The following PRIM2 variants were observed in gnomAD, a reference collection of about 807,000 sequenced individuals.
PRIM2 encodes DNA primase large subunit.
A neutral mutation model predicts 67.3 loss-of-function variants in PRIM2; 39 were observed. That is an observed-to-expected ratio of 0.58 (90% CI 0.45 to 0.76). The LOEUF (loss-of-function observed/expected upper bound fraction) is 0.76. Ranked by LOEUF, PRIM2 falls within the 30% of genes least tolerant of loss-of-function variation. The probability of loss-of-function intolerance (pLI) is 0.00; values close to 1 mark genes in which losing one functional copy is unlikely to be tolerated. For missense variants in PRIM2, 398 were observed against 598.7 expected, an observed-to-expected ratio of 0.66 and a Z score of 3.50; for synonymous variants, 143 against 198.7, an observed-to-expected ratio of 0.72 and a Z score of 2.36.
At chr6:57,394,707 G>C (rs946649621) in intron 7 of PRIM2, among the ~76,000 whole-genome samples, 7 of 152,136 alleles carry the variant, frequency 4.6e-5, no homozygotes, top group African/African-American at 1.7e-4. Flanking sequence ...TATTAAAGAG[G>C]AGTGGTGAGA....
intron 12 of PRIM2, among the ~76,000 whole-genome samples, chr6:57,628,122 C>T (rs1450116552): frequency 6.6e-6 from 1 of 152,192 alleles, no homozygotes; most frequent in Non-Finnish European, 1.5e-5. Flanking sequence ...GTGGGTTAGA[C>T]TTTGATACTT....
At chr6:57,344,963 G>C (rs1768621002) in intron 5 of PRIM2, among the ~76,000 whole-genome samples, 1 of 151,894 alleles carries the variant, frequency 6.6e-6, no homozygotes, top group African/African-American at 2.4e-5. Flanking sequence ...AAAATGACTT[G>C]TGAAAGTCAT....
At chr6:57,270,444 A>G in the PRIM2 span, among the ~76,000 whole-genome samples, 2 of 152,168 alleles carry the variant, frequency 1.3e-5, no homozygotes, top group Non-Finnish European at 2.9e-5. Context: ...TTATTGGTGT[A>G]TAAGAATGCT....
chr6:57,310,967 T>A (rs1328822149), upstream of PRIM2, among the ~76,000 whole-genome samples: 3 of 121,640 alleles, frequency 2.5e-5, no homozygotes, highest in African/African-American at 9.8e-5. Flanking sequence ...GCTCCCCACC[T>A]CCCAGACGAA....
Position 57,507,460 on chromosome 6 carries a change from A to C in PRIM2, c.761+6A>C, listed in dbSNP as rs1554347314. 6.1e-6 allele frequency: 9 copies of C among 1,483,188 alleles called. No individual in the cohort carries two copies. In the African/African-American group the frequency reaches 1.0e-4, roughly 17 times the overall value. 91.9% of individuals were successfully genotyped at this position (1,483,188 alleles called of 1,614,324 possible). A position where few individuals can be genotyped will look rare whatever the true frequency, so the allele number is the denominator to read the frequency against. On this transcript the variant is annotated splice_donor_region_variant and intron_variant, in intron 8 of 13. Coordinates refer to ENST00000615550, the MANE Select transcript of PRIM2 (RefSeq NM_000947.5). ...CCTCTGCTCAATCACCTCAGGTAAT[A>C]TAAGGGCACAGCCTTGTTATGCTTA... is the stretch of plus-strand genomic sequence containing the variant.
chr6:57,268,729 C>T, the PRIM2 span, among the ~76,000 whole-genome samples: 1 of 150,814 alleles, frequency 6.6e-6, no homozygotes, highest in Non-Finnish European at 1.5e-5. Context: ...GTGTGCTGCA[C>T]CCATTAACTC....
chr6:57,235,521 A>G, the PRIM2 span, among the ~76,000 whole-genome samples: 1 of 152,254 alleles, frequency 6.6e-6, no homozygotes, highest in South Asian at 2.1e-4. Flanking sequence ...TGAAATTCAA[A>G]GACACTTGTG....
intron 10 of PRIM2, among the ~76,000 whole-genome samples, chr6:57,575,657 T>C (rs1775949797): frequency 1.3e-5 from 2 of 152,322 alleles, no homozygotes; most frequent in Middle Eastern, 3.4e-3. Context: ...GGGGTGATAA[T>C]TGATATATAA....
chr6:57,581,097 G>A (rs1776076680), intron 10 of PRIM2, among the ~76,000 whole-genome samples: 1 of 152,124 alleles, frequency 6.6e-6, no homozygotes. Context: ...TTGTTTCTGT[G>A]AAGAAAAGGC....
chr6:57,234,515 T>TTTTTA, the PRIM2 span, among the ~76,000 whole-genome samples: 1 of 152,150 alleles, frequency 6.6e-6, no homozygotes, highest in East Asian at 1.9e-4. Context: ...CTGTGTTTTA[T>TTTTTA]TTTTATTTTA....
intron 10 of PRIM2, among the ~76,000 whole-genome samples, chr6:57,590,656 G>A (rs1355609754): frequency 6.6e-6 from 1 of 152,150 alleles, no homozygotes; most frequent in African/African-American, 2.4e-5. Flanking sequence ...CAATATCTGG[G>A]GGGTTCTTTC....
intron 12 of PRIM2, among the ~76,000 whole-genome samples, chr6:57,609,948 A>T (rs1776634032): frequency 2.6e-5 from 4 of 152,240 alleles, no homozygotes; most frequent in Admixed American, 1.3e-4. Flanking sequence ...CGTACATTAA[A>T]ATATTGAATG....
chr6:57,379,483 G>A (rs1483064133), intron 5 of PRIM2, among the ~76,000 whole-genome samples: 5 of 152,106 alleles, frequency 3.3e-5, no homozygotes, highest in Non-Finnish European at 7.4e-5. Context: ...GTCTTATGTG[G>A]CTAGAAAATT....
At chr6:57,567,534 A>G (rs2127480324) in intron 10 of PRIM2, among the ~76,000 whole-genome samples, 1 of 152,298 alleles carries the variant, frequency 6.6e-6, no homozygotes, top group South Asian at 2.1e-4. Context: ...TAACCCCACC[A>G]TAAGTCGGGG....
chr6:57,624,616 T>G (rs1776914444), intron 12 of PRIM2, among the ~76,000 whole-genome samples: 1 of 152,220 alleles, frequency 6.6e-6, no homozygotes, highest in Admixed American at 6.5e-5. Flanking sequence ...GTTTCCCCTG[T>G]GCCTAATGTA....
At chr6:57,524,194 A>C (rs1774692287) in intron 8 of PRIM2, among the ~76,000 whole-genome samples, 1 of 152,182 alleles carries the variant, frequency 6.6e-6, no homozygotes, top group Non-Finnish European at 1.5e-5. Context: ...TATGTTTTGA[A>C]AGTCTTAACC....
At chr6:57,286,101 T>C in the PRIM2 span, among the ~76,000 whole-genome samples, 1 of 150,528 alleles carries the variant, frequency 6.6e-6, no homozygotes, top group Admixed American at 6.6e-5. Flanking sequence ...CTCAAGGAAA[T>C]AAGACAGGAC....
chr6:57,300,589 T>G, the PRIM2 span, among the ~76,000 whole-genome samples: 1 of 152,176 alleles, frequency 6.6e-6, no homozygotes, highest in Admixed American at 6.5e-5. Context: ...GTAAGAATGA[T>G]GAGGCTGTTG....
the PRIM2 span, among the ~76,000 whole-genome samples, chr6:57,247,505 T>C: frequency 1.3e-5 from 2 of 152,176 alleles, no homozygotes; most frequent in African/African-American, 4.8e-5. Flanking sequence ...AGCAAAATTA[T>C]TTTTGGTGTA....
Sources: allele counts gnomAD v4.1 joint callset (sites outside exome capture counted in the v4.1 genomes callset), GRCh38; gene constraint gnomAD v4.1.1; transcripts MANE v1.5; gene names NCBI Gene and HGNC (gene_info 2026-07-23, HGNC 2026-07-21).